The following NPR3 variants were observed in gnomAD, a reference collection of about 807,000 sequenced individuals.
NPR3 encodes atrial natriuretic peptide receptor 3.
In NPR3, 34 loss-of-function variants were observed where a neutral mutation model predicts 54.5. The ratio of observed to expected loss-of-function variants is 0.62; its 90% CI spans 0.47 to 0.83. The LOEUF is 0.83. Ranked by LOEUF, NPR3 falls within the 40% of genes least tolerant of loss-of-function variation. The pLI is 0.00. For synonymous variants in NPR3, 289 were observed against 297.1 expected (o/e 0.97, Z 0.28); for missense variants, 674 against 720.8 (o/e 0.94, Z 0.74).
chr5:32,782,635 G>C (rs1742397290), intron 5 of NPR3, among the ~76,000 whole-genome samples: 1 of 152,126 alleles, frequency 6.6e-6, no homozygotes, highest in South Asian at 2.1e-4. Flanking sequence ...AGCACCATCA[G>C]CGACTTCAAA....
intron 3 of NPR3, among the ~76,000 whole-genome samples, chr5:32,745,834 C>T (rs1258867197): frequency 6.6e-6 from 1 of 152,146 alleles, no homozygotes; most frequent in Non-Finnish European, 1.5e-5. Flanking sequence ...AAGTATAAAC[C>T]ATCATTCCTT....
upstream of NPR3, chr5:32,710,583 CA>C (rs1738155649): frequency 2.2e-6 from 3 of 1,386,684 alleles, no homozygotes; most frequent in African/African-American, 1.5e-5. Flanking sequence ...CTGCGTGGCC[CA>C]GGGGGAGGGG....
At chr5:32,765,372 T>A (rs1335288271) in intron 3 of NPR3, among the ~76,000 whole-genome samples, 1 of 152,220 alleles carries the variant, frequency 6.6e-6, no homozygotes, top group Non-Finnish European at 1.5e-5. Context: ...CAATTTTAAG[T>A]ACAGCTATAA....
chr5:32,759,933 C>T (rs1439449656), intron 3 of NPR3, among the ~76,000 whole-genome samples: 1 of 151,978 alleles, frequency 6.6e-6, no homozygotes, highest in East Asian at 1.9e-4. Context: ...GAATATTGGC[C>T]CCCACTCTCT....
chr5:32,719,384 G>T (rs908108298), intron 1 of NPR3, among the ~76,000 whole-genome samples: 15 of 152,104 alleles, frequency 9.9e-5, no homozygotes, highest in African/African-American at 3.6e-4. Context: ...GAGAGGTTTT[G>T]TGATTGAAAA....
chr5:32,694,089 G>C (rs1334143637), intron 1 of NPR3, among the ~76,000 whole-genome samples: 1 of 152,154 alleles, frequency 6.6e-6, no homozygotes, highest in Non-Finnish European at 1.5e-5. Context: ...AAGCTGTTAA[G>C]GGCACTTGTG....
At chr5:32,692,556 A>T (rs1740419718) in intron 1 of NPR3, among the ~76,000 whole-genome samples, 1 of 152,242 alleles carries the variant, frequency 6.6e-6, no homozygotes, top group Non-Finnish European at 1.5e-5. Flanking sequence ...ATTACCAAAA[A>T]TATGAGAGGG....
chr5:32,776,627 G>A (rs1411712660), intron 4 of NPR3, among the ~76,000 whole-genome samples: 1 of 152,080 alleles, frequency 6.6e-6, no homozygotes, highest in East Asian at 1.9e-4. Context: ...CTCACTGCAG[G>A]AGCCTTGCAG....
chr5:32,780,858 G>T (rs771128822), intron 5 of NPR3, 42 bp downstream of exon 5: 13 of 871,170 alleles, frequency 1.5e-5, no homozygotes, highest in Non-Finnish European at 1.4e-5. Flanking sequence ...CCTTCTGCTC[G>T]TGGGGACTCT....
intron 2 of NPR3, among the ~76,000 whole-genome samples, chr5:32,725,062 A>G (rs1372866292): frequency 6.6e-6 from 1 of 152,022 alleles, no homozygotes; most frequent in Non-Finnish European, 1.5e-5. Flanking sequence ...TACAAGTGGG[A>G]GCTAAACATT....
At chr5:32,706,712 A>G (rs573050613), upstream of NPR3, among the ~76,000 whole-genome samples, 65 of 152,350 alleles carry the variant, frequency 4.3e-4, no homozygotes, top group African/African-American at 1.5e-3. Context: ...TCTACCTTAT[A>G]GTCCTGATTT....
At chr5:32,697,472 T>C (rs1049197344) in intron 1 of NPR3, among the ~76,000 whole-genome samples, 1 of 151,784 alleles carries the variant, frequency 6.6e-6, no homozygotes, top group African/African-American at 2.4e-5. Context: ...TGTCTTTTTC[T>C]GGTTTTGGTG....
At chr5:32,737,522 G>C (rs995167427) in intron 2 of NPR3, among the ~76,000 whole-genome samples, 1 of 152,138 alleles carries the variant, frequency 6.6e-6, no homozygotes, top group Non-Finnish European at 1.5e-5. Context: ...TGGGTTCAAG[G>C]CCTCTACCAA....
At position 32,789,532 on chromosome 5, in the gene NPR3, A is replaced by G. The variant is rs146364942; in HGVS notation, c.*3187A>G. 2.4e-5 allele frequency: 13 copies of G among 534,776 alleles called. No individual in the cohort carries two copies. The highest frequency in any genetic ancestry group is 2.1e-4 in the African/African-American group (11 of 52,102). 33.1% of individuals were successfully genotyped at this position (534,776 alleles called of 1,614,324 possible). On this transcript the variant is annotated 3_prime_UTR_variant, in exon 8 of 8. Coordinates refer to ENST00000265074, the MANE Select transcript of NPR3 (RefSeq NM_001204375.2). Reference sequence around the variant, plus strand: ...TCAGAACCCATGTTTAATGGAGGGAAGAGAGAAATGCATGGGAAAAGAACA... The same window carrying G: ...TCAGAACCCATGTTTAATGGAGGGAGGAGAGAAATGCATGGGAAAAGAACA...
chr5:32,710,636 G>A (rs1168543781), upstream of NPR3: 1 of 1,464,750 alleles, frequency 6.8e-7, no homozygotes, highest in South Asian at 1.4e-5. Context: ...GGTGACGCCC[G>A]GGCCAGCCGG....
chr5:32,704,494 A>G (rs892209480), upstream of NPR3, among the ~76,000 whole-genome samples: 1 of 151,868 alleles, frequency 6.6e-6, no homozygotes, highest in Non-Finnish European at 1.5e-5. Context: ...TGATATCTCT[A>G]TTTTAGAAAT....
chr5:32,722,620 T>C (rs904410272), intron 1 of NPR3, among the ~76,000 whole-genome samples: 8 of 152,278 alleles, frequency 5.3e-5, no homozygotes, highest in Admixed American at 3.9e-4. Flanking sequence ...GGCTGCTTGG[T>C]GGCCAGTCAG....
chr5:32,738,252 A>G (rs1739853982), intron 2 of NPR3, among the ~76,000 whole-genome samples: 1 of 152,096 alleles, frequency 6.6e-6, no homozygotes, highest in Non-Finnish European at 1.5e-5. Flanking sequence ...CCCGTCATCT[A>G]CATTAGATAT....
intron 2 of NPR3, among the ~76,000 whole-genome samples, chr5:32,730,654 T>C (rs1739401857): frequency 6.6e-6 from 1 of 152,174 alleles, no homozygotes; most frequent in South Asian, 2.1e-4. Flanking sequence ...CATACAAAAA[T>C]CACTTGTGTT....
Sources: gnomAD v4.1 joint callset for allele counts (sites outside exome capture counted in the v4.1 genomes callset) on GRCh38, gnomAD v4.1.1 for gene constraint, MANE v1.5 for transcripts, NCBI Gene and HGNC (gene_info 2026-07-23, HGNC 2026-07-21) for gene names.